MIS18BP1: variants seen among roughly 807,000 people sequenced by gnomAD.
The protein encoded by MIS18BP1 is MIS18 binding protein 1, also known as mis18-binding protein 1.
A neutral mutation model predicts 116.1 loss-of-function variants in MIS18BP1; 72 were observed. That is an observed-to-expected ratio of 0.62 (90% CI 0.51 to 0.75). The LOEUF (loss-of-function observed/expected upper bound fraction) is 0.75, where lower values mean the gene tolerates loss of function less well. Ranked by LOEUF, MIS18BP1 falls within the 30% of genes least tolerant of loss-of-function variation. The pLI, the probability that MIS18BP1 is intolerant of heterozygous loss-of-function variation, is 0.00. For missense variants in MIS18BP1, 1,363 were observed against 1,303.2 expected (o/e 1.05, Z -0.71); for synonymous variants, 386 against 427.0 (o/e 0.90, Z 1.18).
chr14:45,234,268 T>G (rs1891365221), intron 6 of MIS18BP1, among the ~76,000 whole-genome samples: 1 of 149,718 alleles, frequency 6.7e-6, no homozygotes, highest in Non-Finnish European at 1.5e-5. Flanking sequence ...TTTACAGAAG[T>G]AAATGTAAAC....
rs139221911 is a variant in MIS18BP1 at position 45,208,493 on chromosome 14, C to T, written c.3152+1887G>A. Among the ~76,000 whole-genome samples, 984 of 152,028 alleles carry T rather than the reference C, an allele frequency of 6.5e-3. 8 individuals are homozygous for T. The highest frequency in any genetic ancestry group is 0.023 in the African/African-American group (936 of 41,456). On this transcript the variant is annotated intron_variant, in intron 14 of 16. Coordinates refer to ENST00000310806, the MANE Select transcript of MIS18BP1 (RefSeq NM_018353.5). Reference sequence around the variant, plus strand: ...GATTACAGACACACACCACCACATCCGGCTAATTTTTTGTATTTTTAGTAG... The same window carrying T: ...GATTACAGACACACACCACCACATCTGGCTAATTTTTTGTATTTTTAGTAG...
intron 13 of MIS18BP1, among the ~76,000 whole-genome samples, chr14:45,212,157 C>G (rs1321880603): frequency 6.6e-6 from 1 of 152,192 alleles, no homozygotes; most frequent in Non-Finnish European, 1.5e-5. Context: ...ACCCAGCCCT[C>G]TTAACTGGGG....
chr14:45,235,910 T>C lies in MIS18BP1; in HGVS notation c.1252A>G (p.Ile418Val). ...TTGTTGTGCTCAATCCGCTCTATAA[T>C]TACATTACTGTGCCAATATATGTTA... ...VTNIYWHSNV[I>V]IERIEHNKLR... is the part of the protein sequence containing the mutation. The change falls in exon 6 of 17, where the codon ATT (isoleucine) becomes GTT (valine). Residue 418 changes from isoleucine to valine, a missense_variant. Coordinates refer to ENST00000310806, the MANE Select transcript of MIS18BP1 (RefSeq NM_018353.5). 6.2e-7 allele frequency: 1 copy of C among 1,611,612 alleles called. No individual in the cohort carries two copies. Among genetic ancestry groups the C allele is most frequent in the Non-Finnish European group, 8.5e-7 (1 of 1,178,746 alleles).
chr14:45,220,946 C>T (rs534200525), intron 11 of MIS18BP1, among the ~76,000 whole-genome samples: 1 of 152,002 alleles, frequency 6.6e-6, no homozygotes, highest in African/African-American at 2.4e-5. Context: ...ACCAGCCTGG[C>T]CAACATGGTG....
chr14:45,244,200 G>C (rs1264266081), intron 2 of MIS18BP1, among the ~76,000 whole-genome samples: 1 of 152,060 alleles, frequency 6.6e-6, no homozygotes, highest in Non-Finnish European at 1.5e-5. Context: ...CTACCTATGA[G>C]ACATAGAGCA....
In MIS18BP1 at chr14:45,217,129, CT is replaced by C. The variant is rs781576373; in HGVS notation, c.2892del (p.Val965TrpfsTer10). The C allele has an allele frequency of 2.5e-6, 4 of 1,614,026 alleles. No individual in the cohort carries two copies. The African/African-American group carries it at 5.3e-5, about 22-fold the overall frequency. ...TGTTGCTTCCTTTTAAGAGTTCCCA[CT>C]TTGGCAGTTATCTTAATAGTTTGTT... ...DQKQTIKITA[K>X]VGTLKRKQQM... is the part of the protein sequence containing the mutation. On this transcript the variant is annotated frameshift_variant, in exon 13 of 17. Transcript: ENST00000310806. LOFTEE classifies it high-confidence loss of function.
chr14:45,220,966 C>T (rs1321922555), intron 11 of MIS18BP1, among the ~76,000 whole-genome samples: 1 of 151,938 alleles, frequency 6.6e-6, no homozygotes, highest in African/African-American at 2.4e-5. Context: ...GAAACCTTAA[C>T]TCCACTAAAA....
In MIS18BP1 at chr14:45,232,793, A is replaced by G; in HGVS notation, c.1376T>C (p.Phe459Ser). 6.8e-7 allele frequency: 1 copy of G among 1,465,270 alleles called. No homozygotes were observed. The allele number at this position is 1,465,270 out of a possible 1,614,324, so 90.8% of individuals were successfully genotyped here. Residue 459 changes from phenylalanine to serine, a missense_variant, in exon 7 of 17, where the codon TTT becomes TCT. Physicochemically the swap from Phe to Ser is radical, Grantham distance 155 (BLOSUM62 -2). Coordinates refer to ENST00000310806, the MANE Select transcript of MIS18BP1 (RefSeq NM_018353.5). ...CCAATTTTCTGGAAATCCAAACATA[A>G]ATTTCCTTATGAGATAATTTGGATA... ...AGYPNYLIRK[F>S]MFGFPENWKE...
chr14:45,226,819 T>C lies in MIS18BP1; in HGVS notation c.1764A>G (p.Lys588=). Residue 588 remains lysine, a synonymous_variant, in exon 10 of 17, where the codon AAA becomes AAG. Transcript: ENST00000310806. ...GTTTCTTTGAAGACATTTTATATTC[T>C]TTTTTTCCAATTAATTCCTTCAAAA... ...DLSNQELIGK[K]EYKMSSKKLK... 7.2e-7 allele frequency: 1 copy of C among 1,391,608 alleles called. No homozygotes were observed. Among genetic ancestry groups the C allele is most frequent in the Non-Finnish European group, 9.5e-7 (1 of 1,049,476 alleles). The allele number at this position is 1,391,608 out of a possible 1,614,324, so 86.2% of individuals were successfully genotyped here.
chr14:45,208,711 T>C (rs1890594619), intron 14 of MIS18BP1, among the ~76,000 whole-genome samples: 1 of 152,194 alleles, frequency 6.6e-6, no homozygotes, highest in Non-Finnish European at 1.5e-5. Context: ...ATTCTCAGTA[T>C]GCTTTCCCCT....
chr14:45,250,981 G>C (rs1891856455), intron 1 of MIS18BP1, among the ~76,000 whole-genome samples: 1 of 147,712 alleles, frequency 6.8e-6, no homozygotes, highest in Non-Finnish European at 1.5e-5. Flanking sequence ...AGCTTGCAGT[G>C]AGCCGACATC....
intron 14 of MIS18BP1, chr14:45,210,139 AAAAC>A (rs1287159180): frequency 3.6e-5 from 12 of 328,826 alleles, no homozygotes; most frequent in African/African-American, 2.6e-4. Context: ...TTTTACAAGT[AAAAC>A]CTTGATCCAT....
In MIS18BP1 at chr14:45,242,256, C is replaced by G; in HGVS notation, c.921G>C (p.Glu307Asp). 1 of 1,614,060 alleles carries G rather than the reference C, an allele frequency of 6.2e-7. No homozygotes were observed. The highest frequency in any genetic ancestry group is 8.5e-7 in the Non-Finnish European group (1 of 1,179,992). ...NGSLLMVSDS[E>D]RTTEGTSQQK... ...GTTGCGAAGTCCCTTCTGTTGTCCT[C>G]TCACTATCAGAAACCATTAACAGGC... is the stretch of plus-strand genomic sequence containing the variant. The change falls in exon 4 of 17, where the codon GAG (glutamate) becomes GAC (aspartate). Residue 307 changes from glutamate to aspartate, a missense_variant. Transcript: ENST00000310806.
rs769230303 is a variant in MIS18BP1, at chr14:45,240,925, GATAA to G, written c.1143+1105_1143+1108del. 4.7e-4 allele frequency among the ~76,000 whole-genome samples: 71 copies of G among 151,930 alleles called. 2 individuals carry two copies. In the South Asian group the frequency reaches 8.1e-3, roughly 17 times the overall value. On this transcript the variant is annotated intron_variant, in intron 4 of 16. Coordinates refer to ENST00000310806, the MANE Select transcript of MIS18BP1 (RefSeq NM_018353.5). ...TCCAAAATAAATAAATAAATAGATA[GATAA>G]ATAAATAAAGTTTAAATATTTTCCA...
chr14:45,231,261 G>T lies in MIS18BP1; in HGVS notation c.1474C>A (p.Gln492Lys). The T allele has an allele frequency of 6.2e-7, 1 of 1,611,296 alleles. No individual in the cohort carries two copies. Among genetic ancestry groups the T allele is most frequent in the Non-Finnish European group, 8.5e-7 (1 of 1,178,446 alleles). The change falls in exon 8 of 17, where the codon CAG (glutamine) becomes AAG (lysine). Residue 492 changes from glutamine to lysine, a missense_variant. Gln to Lys is a moderately conservative substitution (Grantham distance 53). Transcript: ENST00000310806. ...EKNREKTKQK[Q>K]KTGRSVRDIR... The stretch of plus-strand genomic sequence containing the variant: ...TCACGGACAGATCTTCCAGTTTTCT[G>T]TTTTTGTTTGGTCTTTTCCCTGTTC...
chr14:45,247,255 A>C lies in MIS18BP1; in HGVS notation c.32T>G (p.Ile11Ser). 1 of 1,588,884 alleles carries C rather than the reference A, an allele frequency of 6.3e-7. No homozygotes were observed. The highest frequency in any genetic ancestry group is 8.5e-7 in the Non-Finnish European group (1 of 1,172,630). MIATPLKHSR[I>S]YLPPEASSQR... is the part of the protein sequence containing the mutation. ...AGAAGATGCCTCTGGAGGTAAGTAAATTCTTGAATGTTTCAAAGGTGTTGC... is the reference window on the plus strand; with the variant it reads ...AGAAGATGCCTCTGGAGGTAAGTAACTTCTTGAATGTTTCAAAGGTGTTGC... Residue 11 changes from isoleucine to serine, a missense_variant, in exon 2 of 17, where the codon ATT becomes AGT. Ile to Ser is a moderately radical substitution (Grantham distance 142). Coordinates refer to ENST00000310806, the MANE Select transcript of MIS18BP1 (RefSeq NM_018353.5).
At position 45,224,191 on chromosome 14, in the gene MIS18BP1, G is replaced by A. The variant is rs773399908; in HGVS notation, c.2396C>T (p.Ala799Val). Reference sequence around the variant, plus strand: ...TGTGCTCTTTCTCAGGTGAACCACTGCTTCTTTGGTGTTTCCTGCTTTGGT... The same window carrying A: ...TGTGCTCTTTCTCAGGTGAACCACTACTTCTTTGGTGTTTCCTGCTTTGGT... ...KKTKAGNTKEAVVHLRKSTRN... is the reference protein window; with the variant it reads ...KKTKAGNTKEVVVHLRKSTRN... The change falls in exon 11 of 17, where the codon GCA becomes GTA. Residue 799 changes from alanine to valine, a missense_variant. Coordinates refer to ENST00000310806, the MANE Select transcript of MIS18BP1 (RefSeq NM_018353.5). 1.2e-6 allele frequency: 2 copies of A among 1,614,008 alleles called. No individual in the cohort carries two copies. Among genetic ancestry groups the A allele is most frequent in the South Asian group, 2.2e-5 (2 of 91,086 alleles).
At chr14:45,250,700 A>G (rs1021842774) in intron 1 of MIS18BP1, among the ~76,000 whole-genome samples, 2 of 152,240 alleles carry the variant, frequency 1.3e-5, no homozygotes, top group Non-Finnish European at 2.9e-5. Flanking sequence ...CAACATAAAG[A>G]CATGGGAATG....
Position 45,217,532 on chromosome 14 carries a change from TG to T in MIS18BP1, c.2843-354del, listed in dbSNP as rs1890856290. 2.0e-5 allele frequency among the ~76,000 whole-genome samples: 3 copies of T among 152,180 alleles called. No individual in the cohort carries two copies. In the South Asian group the frequency reaches 6.2e-4, roughly 32 times the overall value. On this transcript the variant is annotated intron_variant, in intron 12 of 16. Transcript: ENST00000310806. ...TTTCTACACTGGGATCTGGGATTTG[TG>T]CAATATGATTAGCCCATAGGATACT...
Sources: gnomAD v4.1 joint callset for allele counts (sites outside exome capture counted in the v4.1 genomes callset) on GRCh38, gnomAD v4.1.1 for gene constraint, MANE v1.5 for transcripts, NCBI Gene and HGNC (gene_info 2026-07-23, HGNC 2026-07-21) for gene names.